NT5C2: variants seen among roughly 807,000 people sequenced by gnomAD.
The protein encoded by NT5C2 is cytosolic purine 5'-nucleotidase.
A neutral mutation model predicts 76.1 loss-of-function variants in NT5C2; 58 were observed. The ratio of observed to expected loss-of-function variants is 0.76; its 90% CI spans 0.62 to 0.95. The LOEUF (loss-of-function observed/expected upper bound fraction) is 0.95. Among genes scored for constraint, NT5C2 ranks in the 40% least tolerant of loss-of-function variants. The probability of loss-of-function intolerance (pLI) is 0.00; values close to 1 mark genes in which losing one functional copy is unlikely to be tolerated. For synonymous variants in NT5C2, 229 were observed against 237.4 expected, an observed-to-expected ratio of 0.96 and a Z score of 0.32; for missense variants, 478 against 690.3, an observed-to-expected ratio of 0.69 and a Z score of 3.45.
At chr10:103,188,747 A>G (rs2092339601) in intron 1 of NT5C2, among the ~76,000 whole-genome samples, 1 of 152,186 alleles carries the variant, frequency 6.6e-6, no homozygotes, top group South Asian at 2.1e-4. Flanking sequence ...TATGCCTATA[A>G]TCCCAGCACT....
In NT5C2 at chr10:103,095,931, T is replaced by C; in HGVS notation, c.813+8A>G. On this transcript the variant is annotated splice_region_variant and intron_variant, in intron 12 of 18. Coordinates refer to ENST00000404739, the MANE Select transcript of NT5C2 (RefSeq NM_001351169.2). ...TAAAGCAGTGGTCTATTGAGTCACATACGGTACCTTGGGGCCATGTGGGAA... is the reference window on the plus strand; with the variant it reads ...TAAAGCAGTGGTCTATTGAGTCACACACGGTACCTTGGGGCCATGTGGGAA... The C allele has an allele frequency of 6.2e-7, 1 of 1,610,722 alleles. No homozygotes were observed. The highest frequency in any genetic ancestry group is 8.5e-7 in the Non-Finnish European group (1 of 1,177,028).
At chr10:103,157,321 A>C (rs2083636152) in intron 3 of NT5C2, among the ~76,000 whole-genome samples, 1 of 152,148 alleles carries the variant, frequency 6.6e-6, no homozygotes, top group Non-Finnish European at 1.5e-5. Context: ...AGAAAGTGGA[A>C]GAATGGCAAA....
intron 15 of NT5C2, among the ~76,000 whole-genome samples, chr10:103,091,822 T>C (rs2066991991): frequency 6.6e-6 from 1 of 152,204 alleles, no homozygotes; most frequent in South Asian, 2.1e-4. Flanking sequence ...CACCATCACC[T>C]TCTCTTTAAC....
chr10:103,123,497 G>A (rs1025854915), intron 4 of NT5C2, among the ~76,000 whole-genome samples: 3 of 152,112 alleles, frequency 2.0e-5, no homozygotes, highest in Admixed American at 6.6e-5. Context: ...TTACCCCTGT[G>A]AGCAATCATG....
intron 4 of NT5C2, among the ~76,000 whole-genome samples, chr10:103,110,192 A>T (rs1278833774): frequency 6.6e-6 from 1 of 152,114 alleles, no homozygotes; most frequent in Admixed American, 6.5e-5. Flanking sequence ...CCCAGCACTT[A>T]CACCTGTAAT....
intron 3 of NT5C2, among the ~76,000 whole-genome samples, chr10:103,163,445 T>C (rs1170334809): frequency 4.6e-5 from 7 of 152,158 alleles, no homozygotes; most frequent in Non-Finnish European, 1.0e-4. Context: ...ACACTTGATA[T>C]TGTCAATATT....
At chr10:103,091,492 T>G in intron 16 of NT5C2, 72 bp downstream of exon 16, 1 of 1,217,914 alleles carries the variant, frequency 8.2e-7, no homozygotes, top group Non-Finnish European at 1.2e-6. Flanking sequence ...ATTACTGGCC[T>G]GGAAAGAACA....
chr10:103,192,938 C>G (rs1203123122), intron 1 of NT5C2, among the ~76,000 whole-genome samples: 2 of 152,112 alleles, frequency 1.3e-5, no homozygotes, highest in Non-Finnish European at 2.9e-5. Context: ...GAGCCGGCGG[C>G]TGGGAAACAA....
intron 3 of NT5C2, among the ~76,000 whole-genome samples, chr10:103,158,196 A>AT (rs1299700674): frequency 6.6e-6 from 1 of 152,188 alleles, no homozygotes; most frequent in Non-Finnish European, 1.5e-5. Flanking sequence ...GAAAAAAAGG[A>AT]CATAACAAAA....
chr10:103,143,543 A>G (rs2080917343), intron 3 of NT5C2, among the ~76,000 whole-genome samples: 1 of 144,304 alleles, frequency 6.9e-6, no homozygotes, highest in South Asian at 2.2e-4. Context: ...TTATCCTCCT[A>G]CCTCAGCCTC....
At chr10:103,097,471 G>C in intron 10 of NT5C2, 97 bp from the exon 11 acceptor site, 1 of 1,011,670 alleles carries the variant, frequency 9.9e-7, no homozygotes, top group African/African-American at 1.6e-5. Flanking sequence ...AACAGGAATG[G>C]GGGAACCTTT....
At chr10:103,092,480 T>C (rs2067180212) in intron 15 of NT5C2, among the ~76,000 whole-genome samples, 1 of 152,216 alleles carries the variant, frequency 6.6e-6, no homozygotes, top group African/African-American at 2.4e-5. Flanking sequence ...CCTAACGGCA[T>C]GCAGATTTCA....
At chr10:103,118,945 GA>G (rs1174449639) in intron 4 of NT5C2, among the ~76,000 whole-genome samples, 2 of 151,828 alleles carry the variant, frequency 1.3e-5, no homozygotes, top group Admixed American at 6.6e-5. Context: ...AAACTCTTAA[GA>G]AAAAAGATCA....
chr10:103,091,654 T>C (rs1364189411), intron 15 of NT5C2, 39 bp from the exon 16 acceptor site: 1 of 1,546,870 alleles, frequency 6.5e-7, no homozygotes, highest in Non-Finnish European at 8.9e-7. Flanking sequence ...ACATTTTAAA[T>C]AAATAAGCAC....
chr10:103,160,405 G>A (rs1024337339), intron 3 of NT5C2, among the ~76,000 whole-genome samples: 6 of 151,988 alleles, frequency 3.9e-5, no homozygotes, highest in Non-Finnish European at 5.9e-5. Context: ...GGACTTCACC[G>A]GTATTAAAAT....
At chr10:103,132,280 C>G (rs1222085625) in intron 4 of NT5C2, among the ~76,000 whole-genome samples, 1 of 149,552 alleles carries the variant, frequency 6.7e-6, no homozygotes, top group African/African-American at 2.5e-5. Context: ...AAAGAGAAGA[C>G]TTAGGAACAA....
At chr10:103,147,083 C>T (rs112731979) in intron 3 of NT5C2, among the ~76,000 whole-genome samples, 3 of 152,116 alleles carry the variant, frequency 2.0e-5, no homozygotes, top group Admixed American at 2.0e-4. Flanking sequence ...ATTTTATAAA[C>T]GTGTCCATTT....
intron 3 of NT5C2, among the ~76,000 whole-genome samples, chr10:103,167,302 G>C (rs562527500): frequency 1.3e-5 from 2 of 152,218 alleles, no homozygotes; most frequent in Admixed American, 6.5e-5. Flanking sequence ...ACAAACATGA[G>C]CCACCATGCC....
At chr10:103,165,757 C>T (rs182761282) in intron 3 of NT5C2, among the ~76,000 whole-genome samples, 67 of 147,314 alleles carry the variant, frequency 4.5e-4, no homozygotes, top group African/African-American at 1.6e-3. Flanking sequence ...CTGTAACCTC[C>T]GCCTCCCAGG....
Sources: gnomAD v4.1 joint callset for allele counts (sites outside exome capture counted in the v4.1 genomes callset) on GRCh38, gnomAD v4.1.1 for gene constraint, MANE v1.5 for transcripts, NCBI Gene and HGNC (gene_info 2026-07-23, HGNC 2026-07-21) for gene names.